Variants in HSPG2 observed in about 807,000 individuals in gnomAD.
HSPG2 encodes basement membrane-specific heparan sulfate proteoglycan core protein.
HSPG2 carries 278 observed loss-of-function variants against 526.6 expected under a neutral mutation model. The ratio of observed to expected loss-of-function variants is 0.53; its 90% confidence interval spans 0.48 to 0.58. The LOEUF (loss-of-function observed/expected upper bound fraction) is 0.58. Ranked by LOEUF, HSPG2 falls within the 20% of genes least tolerant of loss-of-function variation. The pLI, the probability that HSPG2 is intolerant of heterozygous loss-of-function variation, is 0.00. For missense variants in HSPG2, 5,354 were observed against 6,099.5 expected, an observed-to-expected ratio of 0.88 and a Z score of 4.07; for synonymous variants, 2,465 against 2,555.4, an observed-to-expected ratio of 0.96 and a Z score of 1.07.
intron 26 of HSPG2, 42 bp from the exon 27 acceptor site, chr1:21,874,771 G>C (rs372109121): frequency 2.6e-6 from 4 of 1,536,572 alleles, no homozygotes; most frequent in Non-Finnish European, 3.6e-6. Flanking sequence ...TTCCGAACAC[G>C]GCCCATTCAG....
At chr1:21,851,377 C>T (rs1283381839) in intron 55 of HSPG2, 169 bp downstream of exon 55, 2 of 888,136 alleles carry the variant, frequency 2.3e-6, no homozygotes, top group Non-Finnish European at 3.4e-6. Context: ...AGAATTCACA[C>T]CCAGGTTAGT....
chr1:21,898,009 C>CA lies in HSPG2; in HGVS notation c.64-1700dup, dbSNP rs1642870303. Among the ~76,000 whole-genome samples, 1 of 152,190 alleles carries CA rather than the reference C, an allele frequency of 6.6e-6. No homozygotes were observed. Among genetic ancestry groups the CA allele is most frequent in the South Asian group, 2.1e-4 (1 of 4,828 alleles). On this transcript the variant is annotated intron_variant, in intron 1 of 96. Coordinates refer to ENST00000374695, the MANE Select transcript of HSPG2 (RefSeq NM_005529.7). The surrounding 1 kb of genome is among the most constrained non-coding windows in gnomAD (Gnocchi z 4.0). Reference sequence around the variant, plus strand: ...CGTTGGAATGGAAGCACCTTGAAGGCAAGGGCTGTGATGAATTCATCTCCA... The same window carrying CA: ...CGTTGGAATGGAAGCACCTTGAAGGCAAAGGGCTGTGATGAATTCATCTCCA...
intron 75 of HSPG2, 86 bp downstream of exon 75, chr1:21,836,716 C>A: frequency 1.7e-6 from 2 of 1,181,780 alleles, no homozygotes; most frequent in Non-Finnish European, 2.4e-6. Context: ...TCATGTTGCG[C>A]CCCCTGGGGC....
At chr1:21,843,221 AGAGAG>A in intron 66 of HSPG2, 71 bp downstream of exon 66, 1 of 1,593,836 alleles carries the variant, frequency 6.3e-7, no homozygotes. Flanking sequence ...CCCGGCTGGG[AGAGAG>A]GAGAGGAGCA....
At chr1:21,899,176 G>A (rs190593686) in intron 1 of HSPG2, among the ~76,000 whole-genome samples, 1 of 152,258 alleles carries the variant, frequency 6.6e-6, no homozygotes. Context: ...GGTCAGATAA[G>A]GGCCCATAGC....
intron 33 of HSPG2, chr1:21,870,168 G>A (rs140883944): frequency 1.8e-4 from 156 of 851,796 alleles, no homozygotes; most frequent in Non-Finnish European, 2.1e-4. Context: ...TGGTCTCCTC[G>A]CTGTGGCCCT....
rs1166588977 is a variant in HSPG2, at chr1:21,879,014, T to C, written c.2451A>G (p.Pro817=). 1 of 1,613,890 alleles carries C rather than the reference T, an allele frequency of 6.2e-7. No homozygotes were observed. Residue 817 remains proline, a synonymous_variant, in exon 18 of 97, where the codon CCA becomes CCG. Transcript: ENST00000374695. ...CTGACCTGCGGGAGGCATCGATGTA[T>C]GGGCAAGGGCAGGGCCGGCAGGAAG... ...TATSCRPCPC[P]YIDASRRFSD... is the part of the protein sequence containing the mutation.
intron 62 of HSPG2, 146 bp from the exon 63 acceptor site, chr1:21,846,745 A>G: frequency 1.1e-6 from 1 of 901,500 alleles, no homozygotes; most frequent in South Asian, 1.5e-5. Flanking sequence ...CATGCCTGTA[A>G]TCCCAGCACT....
intron 6 of HSPG2, among the ~76,000 whole-genome samples, chr1:21,888,964 C>T (rs949788768): frequency 3.3e-5 from 5 of 152,176 alleles, no homozygotes; most frequent in South Asian, 2.1e-4. Flanking sequence ...TTTGCTCTGT[C>T]GCCCAGGCTG....
In HSPG2 at chr1:21,864,440, G is replaced by A. The variant is rs12404444; in HGVS notation, c.4627-227C>T. On this transcript the variant is annotated intron_variant, in intron 36 of 96. Transcript: ENST00000374695. This position sits in a 1 kb window ranked among gnomAD's most constrained non-coding sequence, Gnocchi z 4.8. The stretch of plus-strand genomic sequence containing the variant: ...TCTCTATGCTGTGCTTTGGGCCGGA[G>A]TAATCTGTGTTTCTGAATTGGCTCC... Among the ~76,000 whole-genome samples the A allele has an allele frequency of 0.15, 22,201 of 152,244 alleles. 1,914 individuals carry two copies. Among genetic ancestry groups the A allele is most frequent in the Admixed American group, 0.2 (3,094 of 15,294 alleles).
In HSPG2 at chr1:21,831,490, T is replaced by G. The variant is rs1325390591; in HGVS notation, c.11425A>C (p.Lys3809Gln). 1.9e-6 allele frequency: 3 copies of G among 1,613,968 alleles called. No individual in the cohort carries two copies. Among genetic ancestry groups the G allele is most frequent in the Admixed American group, 3.3e-5 (2 of 59,994 alleles). ...GGYPDYGAIP[K>Q]AGLSSGFIGC... ...ATGAAGCCGCTGCTCAGCCCCGCCT[T>G]GGGGATGGCACCATAGTCAGGATAG... The change falls in exon 83 of 97, where the codon AAG becomes CAG. Residue 3809 changes from lysine (K) to glutamine (Q), a missense_variant. Physicochemically the swap from Lys to Gln is moderately conservative, Grantham distance 53. Coordinates refer to ENST00000374695, the MANE Select transcript of HSPG2 (RefSeq NM_005529.7).
In HSPG2 at chr1:21,843,316, G is replaced by A. The variant is rs1557699776; in HGVS notation, c.8739C>T (p.Ser2913=). The A allele has an allele frequency of 6.2e-7, 1 of 1,613,976 alleles. No individual in the cohort carries two copies. Among genetic ancestry groups the A allele is most frequent in the Non-Finnish European group, 8.5e-7 (1 of 1,180,044 alleles). ...ACTCACCAGGAATGGGTCCTGGGCT[G>A]GAGGGCTCAATTGTGACCAGGACAG... ...EASVLVTIEP[S]SPGPIPAPGL... Residue 2913 remains serine (S), a synonymous_variant, in exon 66 of 97, where the codon TCC becomes TCT. Coordinates refer to ENST00000374695, the MANE Select transcript of HSPG2 (RefSeq NM_005529.7).
At chr1:21,882,762 C>A (rs1641610335) in intron 13 of HSPG2, among the ~76,000 whole-genome samples, 1 of 152,068 alleles carries the variant, frequency 6.6e-6, no homozygotes, top group Non-Finnish European at 1.5e-5. Context: ...AGCGTACAAC[C>A]TCCAAAGGCC....
rs1369252651 is a variant in HSPG2, at chr1:21,855,859, C to T, written c.5629G>A (p.Val1877Met). The T allele has an allele frequency of 1.2e-6, 2 of 1,612,866 alleles. No homozygotes were observed. The highest frequency in any genetic ancestry group is 2.2e-5 in the East Asian group (1 of 44,892). Residue 1877 changes from valine (V) to methionine (M), a missense_variant, in exon 45 of 97, where the codon GTG becomes ATG. Transcript: ENST00000374695. ...AACTCCGCCAGTTGCCCGGGCTGCA[C>T]TGTGAGCTGTGGCGGATGGATGGAG... Reference protein sequence around the residue: ...VVSIHPPQLTVQPGQLAEFRC... With the variant: ...VVSIHPPQLTMQPGQLAEFRC...
rs1642290491 is a variant in HSPG2 at position 21,890,635 on chromosome 1, C to T, written c.304G>A (p.Asp102Asn). The T allele has an allele frequency of 1.2e-6, 2 of 1,613,926 alleles. No homozygotes were observed. The highest frequency in any genetic ancestry group is 1.7e-6 in the Non-Finnish European group (2 of 1,179,898). Residue 102 changes from aspartate to asparagine, a missense_variant, in exon 4 of 97, where the codon GAT (aspartate) becomes AAT (asparagine). Asp to Asn is a conservative substitution (Grantham distance 23). Transcript: ENST00000374695. This position sits in a 1 kb window ranked among gnomAD's most constrained non-coding sequence, Gnocchi z 4.1. ...RSIEYSPQLEDAGSREFREVS... is the reference protein window; with the variant it reads ...RSIEYSPQLENAGSREFREVS... ...TCTCGGAACTCTCTGGAGCCTGCAT[C>T]CTCCAGCTGAGGGCTGTACTCGATG... is the stretch of plus-strand genomic sequence containing the variant.
At chr1:21,920,060 C>T (rs1342587979) in intron 1 of HSPG2, among the ~76,000 whole-genome samples, 2 of 152,194 alleles carry the variant, frequency 1.3e-5, no homozygotes, top group African/African-American at 2.4e-5. Flanking sequence ...GCATGCACCA[C>T]CACACCCAGC....
Position 21,875,648 on chromosome 1 carries a change from G to A in HSPG2, c.3283C>T (p.Gln1095Ter), listed in dbSNP as rs1641001042. 1 of 1,602,028 alleles carries A rather than the reference G, an allele frequency of 6.2e-7. No homozygotes were observed. The highest frequency in any genetic ancestry group is 1.3e-5 in the African/African-American group (1 of 74,934). Residue 1095 changes from glutamine (Q) to a stop codon, truncating the protein, a stop_gained, in exon 25 of 97, where the codon CAG becomes TAG. Transcript: ENST00000374695. LOFTEE classifies it high-confidence loss of function. ...AGACACCTGCTCTCAGCGGGCTGCTGGGCGTAGGATGCTCGGATCAGGAGG... is the reference window on the plus strand; with the variant it reads ...AGACACCTGCTCTCAGCGGGCTGCTAGGCGTAGGATGCTCGGATCAGGAGG... ...DTLLIRASYA[Q>*]QPAESRVSGI...
At chr1:21,926,548 T>C (rs184700698) in intron 1 of HSPG2, among the ~76,000 whole-genome samples, 2 of 151,738 alleles carry the variant, frequency 1.3e-5, no homozygotes, top group Non-Finnish European at 2.9e-5. Context: ...AGGTCAGAAG[T>C]TTGAGACCAG....
At position 21,839,117 on chromosome 1, in the gene HSPG2, G is replaced by A; in HGVS notation, c.9890-32C>T. Reference sequence around the variant, plus strand: ...GGGGGGACACAGAGGTCAGGATTGGGGAGGGCAAAGGTCAGAATGGCAGCA... The same window carrying A: ...GGGGGGACACAGAGGTCAGGATTGGAGAGGGCAAAGGTCAGAATGGCAGCA... On this transcript the variant is annotated intron_variant, in intron 73 of 96. Transcript: ENST00000374695. This position sits in a 1 kb window ranked among gnomAD's most constrained non-coding sequence, Gnocchi z 4.5. 3 of 1,558,670 alleles carry A rather than the reference G, an allele frequency of 1.9e-6. No homozygotes were observed. The highest frequency in any genetic ancestry group is 2.6e-6 in the Non-Finnish European group (3 of 1,149,620).
Sources: allele counts gnomAD v4.1 joint callset (sites outside exome capture counted in the v4.1 genomes callset), GRCh38; gene constraint gnomAD v4.1.1; non-coding constraint Gnocchi (gnomAD v3.1); transcripts MANE v1.5; gene names NCBI Gene and HGNC (gene_info 2026-07-23, HGNC 2026-07-21).